Variants in RALGAPA1 observed in about 807,000 individuals in gnomAD.
RALGAPA1 encodes the protein ral GTPase-activating protein subunit alpha-1.
Under a neutral mutation model 269.6 loss-of-function variants are expected in RALGAPA1, and 52 were observed. That is an observed-to-expected ratio of 0.19 (90% CI 0.15 to 0.24). The LOEUF (loss-of-function observed/expected upper bound fraction) is 0.24. RALGAPA1 is among the 10% of genes least tolerant of loss of function. RALGAPA1 has a pLI of 1.00. For synonymous variants in RALGAPA1, 817 were observed against 1,008.3 expected (o/e 0.81, Z 3.60); for missense variants, 1,917 against 3,013.9 (o/e 0.64, Z 8.52).
intron 31 of RALGAPA1, among the ~76,000 whole-genome samples, chr14:35,638,925 C>T (rs889896147): frequency 6.8e-6 from 1 of 146,668 alleles, no homozygotes; most frequent in African/African-American, 2.5e-5. Context: ...GACTCTGTCT[C>T]AAAAAGAAAG....
intron 37 of RALGAPA1, among the ~76,000 whole-genome samples, chr14:35,574,014 G>A (rs1348044281): frequency 1.3e-5 from 2 of 152,126 alleles, no homozygotes; most frequent in African/African-American, 4.8e-5. Flanking sequence ...TGTTACAATA[G>A]CAGCCAGATC....
chr14:35,575,131 GA>G (rs61622892), intron 37 of RALGAPA1, among the ~76,000 whole-genome samples: 2,405 of 144,958 alleles, frequency 0.017, 68 homozygotes, highest in African/African-American at 0.057. Flanking sequence ...CCATCTCAAA[GA>G]AAAAAAAAAA....
chr14:35,591,576 T>G (rs2058637399), intron 37 of RALGAPA1, among the ~76,000 whole-genome samples: 1 of 152,144 alleles, frequency 6.6e-6, no homozygotes, highest in East Asian at 1.9e-4. Context: ...CCTCCCAAAG[T>G]GCTGGGATTA....
chr14:35,546,998 A>T (rs1234755859), intron 41 of RALGAPA1, among the ~76,000 whole-genome samples: 1 of 152,174 alleles, frequency 6.6e-6, no homozygotes, highest in African/African-American at 2.4e-5. Flanking sequence ...CATAACTATT[A>T]AAGTCTGCAA....
In RALGAPA1 at chr14:35,561,226, CAAAA is replaced by C. The variant is rs71124706; in HGVS notation, c.7496+9387_7496+9390del. ...TGGGGGAAACAGCAAAACTCTGTCT[CAAAA>C]AAAAAAAAAAAAAAAAAAAAAATAC... On this transcript the variant is annotated intron_variant, in intron 39 of 41. Coordinates refer to ENST00000680220, the MANE Select transcript of RALGAPA1 (RefSeq NM_001346249.2). Among the ~76,000 whole-genome samples, 4 of 36,782 alleles carry C rather than the reference CAAAA, an allele frequency of 1.1e-4. No individual in the cohort carries two copies. In the Admixed American group the frequency reaches 1.4e-3, roughly 13 times the overall value. 24.1% of individuals were successfully genotyped at this position (36,782 alleles called of 152,430 possible).
intron 6 of RALGAPA1, among the ~76,000 whole-genome samples, chr14:35,758,367 G>C (rs1323580556): frequency 6.6e-6 from 1 of 150,956 alleles, no homozygotes; most frequent in South Asian, 2.1e-4. Context: ...CTTTATGAAA[G>C]CTTTATTTTG....
At chr14:35,769,026 AAAAAAAAAAATATATAT>A (rs2074384289) in intron 4 of RALGAPA1, among the ~76,000 whole-genome samples, 1 of 99,294 alleles carries the variant, frequency 1.0e-5, no homozygotes, top group South Asian at 3.7e-4. Flanking sequence ...AAAAAAAAAA[AAAAAAAAAAATATATAT>A]ATATATATAT....
intron 21 of RALGAPA1, among the ~76,000 whole-genome samples, chr14:35,682,440 A>G (rs960979781): frequency 6.6e-6 from 1 of 151,892 alleles, no homozygotes; most frequent in Non-Finnish European, 1.5e-5. Context: ...AGCTGGGACT[A>G]TACGCGCCCG....
intron 35 of RALGAPA1, among the ~76,000 whole-genome samples, chr14:35,611,377 T>C (rs1373752161): frequency 1.3e-5 from 2 of 151,524 alleles, no homozygotes; most frequent in African/African-American, 4.8e-5. Flanking sequence ...TTGCGTGCGC[T>C]TGTAGTCCCA....
At chr14:35,593,220 G>C (rs1261611158) in intron 37 of RALGAPA1, among the ~76,000 whole-genome samples, 1 of 151,974 alleles carries the variant, frequency 6.6e-6, no homozygotes, top group Non-Finnish European at 1.5e-5. Flanking sequence ...TGACTTAGCT[G>C]AAAAATCAAG....
intron 39 of RALGAPA1, among the ~76,000 whole-genome samples, chr14:35,559,964 A>G (rs2056035045): frequency 6.6e-6 from 1 of 152,220 alleles, no homozygotes; most frequent in Non-Finnish European, 1.5e-5. Flanking sequence ...TATAAATACT[A>G]TCAAACATTT....
At chr14:35,602,020 G>A (rs2059319152) in intron 36 of RALGAPA1, among the ~76,000 whole-genome samples, 1 of 151,984 alleles carries the variant, frequency 6.6e-6, no homozygotes. Flanking sequence ...CCTACTTTCT[G>A]TCTCTATAAA....
intron 21 of RALGAPA1, among the ~76,000 whole-genome samples, chr14:35,682,886 G>C (rs1437003690): frequency 6.6e-6 from 1 of 151,998 alleles, no homozygotes; most frequent in Non-Finnish European, 1.5e-5. Context: ...TTGCCATCTG[G>C]GAAAAAAGGA....
chr14:35,806,775 A>C (rs1387253934), intron 1 of RALGAPA1, among the ~76,000 whole-genome samples: 1 of 152,154 alleles, frequency 6.6e-6, no homozygotes, highest in African/African-American at 2.4e-5. Flanking sequence ...GCCCGCACCT[A>C]CTTCCAGAAA....
chr14:35,738,426 T>C (rs1449806857), intron 12 of RALGAPA1, 87 bp downstream of exon 12: 19 of 941,538 alleles, frequency 2.0e-5, no homozygotes. Context: ...ATTTATTATA[T>C]TGTGAAAAGT....
intron 21 of RALGAPA1, among the ~76,000 whole-genome samples, chr14:35,683,177 C>T (rs2065614064): frequency 6.6e-6 from 1 of 152,174 alleles, no homozygotes; most frequent in Non-Finnish European, 1.5e-5. Context: ...CTACTAGCTG[C>T]TCAGGCTCAT....
chr14:35,581,766 C>G (rs189989750), intron 37 of RALGAPA1, among the ~76,000 whole-genome samples: 11 of 151,972 alleles, frequency 7.2e-5, no homozygotes. Context: ...AAATTGCAAC[C>G]CTTAAGCATT....
At position 35,771,116 on chromosome 14, in the gene RALGAPA1, G is replaced by A. The variant is rs1033895169; in HGVS notation, c.268-117C>T. ...AAGTATAACAAATACAAAATAGGCC[G>A]GGCACGGTGGCTCACACCTGTAATC... is the stretch of plus-strand genomic sequence containing the variant. On this transcript the variant is annotated intron_variant, in intron 3 of 41. Coordinates refer to ENST00000680220, the MANE Select transcript of RALGAPA1 (RefSeq NM_001346249.2). 14 of 412,510 alleles carry A rather than the reference G, an allele frequency of 3.4e-5. No homozygotes were observed. In the Admixed American group the frequency reaches 4.0e-4, roughly 12 times the overall value. 25.6% of individuals were successfully genotyped at this position (412,510 alleles called of 1,614,324 possible). A position where few individuals can be genotyped will look rare whatever the true frequency, so the allele number is the denominator to read the frequency against.
At chr14:35,690,081 A>T in intron 17 of RALGAPA1, 78 bp from the exon 18 acceptor site, 5 of 1,050,340 alleles carry the variant, frequency 4.8e-6, no homozygotes, top group Non-Finnish European at 6.7e-6. Context: ...TAATGCTCTA[A>T]AGCATATGCT....
Sources: gnomAD v4.1 joint callset for allele counts (sites outside exome capture counted in the v4.1 genomes callset) on GRCh38, gnomAD v4.1.1 for gene constraint, MANE v1.5 for transcripts, NCBI Gene and HGNC (gene_info 2026-07-23, HGNC 2026-07-21) for gene names.